C13orf42: variants seen among roughly 807,000 people sequenced by gnomAD.
C13orf42 encodes the protein chromosome 13 open reading frame 42.
intron 1 of C13orf42, among the ~76,000 whole-genome samples, chr13:51,101,285 C>T (rs1953287488): frequency 6.6e-6 from 1 of 152,124 alleles, no homozygotes; most frequent in Non-Finnish European, 1.5e-5. Context: ...AAAAATTATA[C>T]AGTGAGTACC....
intron 1 of C13orf42, among the ~76,000 whole-genome samples, chr13:51,101,309 T>C (rs918914419): frequency 2.6e-5 from 4 of 152,182 alleles, no homozygotes; most frequent in Non-Finnish European, 4.4e-5. Context: ...ATCTAGATGG[T>C]AGGATTCTAA....
At chr13:51,094,541 C>T (rs1179340132) in intron 1 of C13orf42, among the ~76,000 whole-genome samples, 3 of 152,144 alleles carry the variant, frequency 2.0e-5, no homozygotes, top group Non-Finnish European at 4.4e-5. Context: ...ATGTTTTAAA[C>T]CCACAAATTG....
chr13:51,116,239 A>C (rs1953490496), upstream of C13orf42, among the ~76,000 whole-genome samples: 1 of 152,302 alleles, frequency 6.6e-6, no homozygotes, highest in Admixed American at 6.5e-5. Flanking sequence ...CATCAGGCAG[A>C]AGGGGCACGT....
intron 1 of C13orf42, among the ~76,000 whole-genome samples, chr13:51,099,033 A>G (rs973491765): frequency 3.3e-5 from 5 of 152,196 alleles, no homozygotes; most frequent in Non-Finnish European, 4.4e-5. Context: ...GTGAAATTAA[A>G]TGCAAAACAA....
chr13:51,107,219 A>C (rs1953367336), intron 1 of C13orf42, among the ~76,000 whole-genome samples: 2 of 152,144 alleles, frequency 1.3e-5, no homozygotes, highest in Admixed American at 1.3e-4. Flanking sequence ...TGTCAATGGG[A>C]CCTGTTAGAA....
chr13:51,117,909 T>C (rs917687732), intron 1 of C13orf42, among the ~76,000 whole-genome samples: 7 of 152,180 alleles, frequency 4.6e-5, no homozygotes, highest in African/African-American at 1.2e-4. Flanking sequence ...CCTAAGTAGG[T>C]TGCTCTTGCC....
chr13:51,106,188 G>A (rs1458423756), intron 1 of C13orf42, among the ~76,000 whole-genome samples: 4 of 152,112 alleles, frequency 2.6e-5, no homozygotes, highest in African/African-American at 9.7e-5. Context: ...TTCCATCCAC[G>A]GATTGTGGAA....
In C13orf42 at chr13:51,096,333, C is replaced by G. The variant is rs149545271; in HGVS notation, c.415-8258G>C. 6.7e-3 allele frequency among the ~76,000 whole-genome samples: 1,026 copies of G among 152,228 alleles called. 17 individuals are homozygous for G. The highest frequency in any genetic ancestry group is 0.023 in the African/African-American group (967 of 41,548). ...GGGCATTCACTGTTTTCTGATAAAG[C>G]CCCAGTCTCAGGCAGGCGCTGTGTC... is the stretch of plus-strand genomic sequence containing the variant. On this transcript the variant is annotated intron_variant, in intron 1 of 3. Coordinates refer to ENST00000563710, the MANE Select transcript of C13orf42 (RefSeq NM_001351589.3).
intron 1 of C13orf42, among the ~76,000 whole-genome samples, chr13:51,117,533 G>A (rs1317252470): frequency 6.6e-6 from 1 of 152,154 alleles, no homozygotes; most frequent in African/African-American, 2.4e-5. Context: ...ACGTTTACAT[G>A]ACAATCAACA....
intron 1 of C13orf42, among the ~76,000 whole-genome samples, chr13:51,153,503 TA>T (rs563095858): frequency 6.6e-6 from 1 of 151,830 alleles, no homozygotes; most frequent in African/African-American, 2.4e-5. Flanking sequence ...TCTCCTACTT[TA>T]AAAAAAATTG....
At chr13:51,121,540 T>TTC (rs906757227) in intron 1 of C13orf42, among the ~76,000 whole-genome samples, 1 of 148,084 alleles carries the variant, frequency 6.8e-6, no homozygotes, top group Non-Finnish European at 1.5e-5. Context: ...AAAATTTTCT[T>TTC]TTTTTTTTTT....
intron 1 of C13orf42, among the ~76,000 whole-genome samples, chr13:51,128,395 C>A (rs892461396): frequency 1.3e-5 from 2 of 152,116 alleles, no homozygotes; most frequent in Non-Finnish European, 2.9e-5. Context: ...CTGAGGAGAA[C>A]CCCAACCTCA....
Position 51,088,042 on chromosome 13 carries a change from C to G in C13orf42, c.448G>C (p.Ala150Pro), listed in dbSNP as rs1230738306. 2.5e-6 allele frequency: 1 copy of G among 398,730 alleles called. No individual in the cohort carries two copies. Among genetic ancestry groups the G allele is most frequent in the Admixed American group, 4.4e-5 (1 of 22,720 alleles). 24.7% of individuals were successfully genotyped at this position (398,730 alleles called of 1,614,324 possible). A position where few individuals can be genotyped will look rare whatever the true frequency, so the allele number is the denominator to read the frequency against. Residue 150 changes from alanine to proline, a missense_variant, in exon 2 of 4, where the codon GCT (alanine) becomes CCT (proline). Coordinates refer to ENST00000563710, the MANE Select transcript of C13orf42 (RefSeq NM_001351589.3). ...AAGGCAATGGCCTCGGCCACATCAG[C>G]ACTGAACTGCGAGTATTTCTTTGGG... ...ATPKKYSQFS[A>P]DVAEAIAFFD...
intron 1 of C13orf42, among the ~76,000 whole-genome samples, chr13:51,143,034 T>A (rs934181617): frequency 4.6e-5 from 7 of 152,278 alleles, no homozygotes; most frequent in Non-Finnish European, 7.4e-5. Flanking sequence ...GATTAAAAAA[T>A]TTTTTAAATT....
upstream of C13orf42, among the ~76,000 whole-genome samples, chr13:51,111,447 C>A (rs1441487475): frequency 6.6e-6 from 1 of 152,154 alleles, no homozygotes; most frequent in South Asian, 2.1e-4. Context: ...TAGAAGGTGG[C>A]GCACTGTGAA....
chr13:51,104,446 G>C (rs921384310), intron 1 of C13orf42, among the ~76,000 whole-genome samples: 5 of 152,142 alleles, frequency 3.3e-5, no homozygotes, highest in Non-Finnish European at 5.9e-5. Context: ...CAGCACTCTG[G>C]GAGGCTGAGG....
At chr13:51,114,651 TAGACAGACAGACAGACAGAC>T (rs59801187), upstream of C13orf42, among the ~76,000 whole-genome samples, 150 of 142,478 alleles carry the variant, frequency 1.1e-3, 3 homozygotes, top group East Asian at 0.017. Context: ...TAGATAGAGA[TAGACAGACAGACAGACAGAC>T]AGACAGACAG....
chr13:51,085,516 G>A lies in C13orf42; in HGVS notation c.606C>T (p.Ile202=). ...CGGAGTGTCTGCGCGGTGCCCGCAG[G>A]ATCCAGTTAGAATGCAAGCTGTGCT... ...SREHSLHSNW[I]LRAPRRHSED... Residue 202 remains isoleucine, a synonymous_variant, in exon 3 of 4, where the codon ATC becomes ATT. Coordinates refer to ENST00000563710, the MANE Select transcript of C13orf42 (RefSeq NM_001351589.3). 1 of 398,688 alleles carries A rather than the reference G, an allele frequency of 2.5e-6. No homozygotes were observed. The highest frequency in any genetic ancestry group is 4.4e-6 in the Non-Finnish European group (1 of 226,108). The allele number at this position is 398,688 out of a possible 1,614,324, so 24.7% of individuals were successfully genotyped here.
intron 1 of C13orf42, among the ~76,000 whole-genome samples, chr13:51,144,333 A>T (rs900095370): frequency 8.6e-6 from 1 of 116,210 alleles, no homozygotes; most frequent in East Asian, 2.2e-4. Flanking sequence ...TGTTTTTCTG[A>T]GTCTTAAAAC....
Sources: allele counts gnomAD v4.1 joint callset (sites outside exome capture counted in the v4.1 genomes callset), GRCh38; gene constraint gnomAD v4.1.1; transcripts MANE v1.5; gene names NCBI Gene and HGNC (gene_info 2026-07-23, HGNC 2026-07-21).